PAK5: variants seen among roughly 807,000 people sequenced by gnomAD.
PAK5 encodes p21 (RAC1) activated kinase 5.
A neutral mutation model predicts 65.9 loss-of-function variants in PAK5; 16 were observed. The ratio of observed to expected loss-of-function variants is 0.24; its 90% CI spans 0.16 to 0.37. The LOEUF is 0.37. Ranked by LOEUF, PAK5 falls within the 10% of genes least tolerant of loss-of-function variation. The pLI is 1.00. For missense variants in PAK5, 785 were observed against 903.9 expected (o/e 0.87, Z 1.69); for synonymous variants, 371 against 354.9 (o/e 1.05, Z -0.51).
intron 1 of PAK5, among the ~76,000 whole-genome samples, chr20:9,727,335 T>C (rs2048288213): frequency 6.6e-6 from 1 of 152,164 alleles, no homozygotes; most frequent in Non-Finnish European, 1.5e-5. Flanking sequence ...GGGAGGTTTA[T>C]GATGTCATGT....
intron 2 of PAK5, among the ~76,000 whole-genome samples, chr20:9,662,170 T>C (rs2047355887): frequency 6.6e-6 from 1 of 152,216 alleles, no homozygotes; most frequent in African/African-American, 2.4e-5. Context: ...GTCAGTGCTA[T>C]ACACCATGCA....
chr20:9,689,752 G>C (rs1222658448), intron 2 of PAK5, among the ~76,000 whole-genome samples: 1 of 152,126 alleles, frequency 6.6e-6, no homozygotes, highest in Non-Finnish European at 1.5e-5. Flanking sequence ...GAAGTATCTT[G>C]GTATTAGAGT....
Position 9,644,163 on chromosome 20 carries a change from G to T in PAK5, c.166C>A (p.Pro56Thr). 1.2e-6 allele frequency: 2 copies of T among 1,613,124 alleles called. No individual in the cohort carries two copies. Among genetic ancestry groups the T allele is most frequent in the South Asian group, 1.1e-5 (1 of 90,724 alleles). ...AGCTGGATGGGTGTGATGCATGAAGGGTCCACCATAGGCTTTGGCCTGTTG... is the reference window on the plus strand; with the variant it reads ...AGCTGGATGGGTGTGATGCATGAAGTGTCCACCATAGGCTTTGGCCTGTTG... ...TANRPKPMVD[P>T]SCITPIQLAP... Residue 56 changes from proline (P) to threonine (T), a missense_variant, in exon 3 of 10, where the codon CCT (proline) becomes ACT (threonine). Physicochemically the swap from Pro to Thr is conservative, Grantham distance 38. This residue lies in a region of PAK5 where 71 missense variants were observed against 110.2 expected (regional missense o/e 0.64). Coordinates refer to ENST00000353224, the MANE Select transcript of PAK5 (RefSeq NM_177990.4).
chr20:9,745,370 A>C (rs1363287298), intron 1 of PAK5, among the ~76,000 whole-genome samples: 1 of 151,874 alleles, frequency 6.6e-6, no homozygotes, highest in Non-Finnish European at 1.5e-5. Context: ...GTCACAGTTC[A>C]TCCTCTTAGA....
intron 3 of PAK5, among the ~76,000 whole-genome samples, chr20:9,621,001 C>T (rs552853334): frequency 6.6e-6 from 1 of 151,018 alleles, no homozygotes; most frequent in East Asian, 1.9e-4. Context: ...TGGCTCAGAA[C>T]AGATTAAACT....
intron 5 of PAK5, 123 bp downstream of exon 5, chr20:9,565,770 G>A: frequency 1.0e-6 from 1 of 958,716 alleles, no homozygotes. Flanking sequence ...TACAGGGGAC[G>A]CTATTTTTGT....
intron 4 of PAK5, among the ~76,000 whole-genome samples, chr20:9,578,364 C>T (rs372554615): frequency 1.3e-5 from 2 of 152,156 alleles, no homozygotes; most frequent in East Asian, 3.9e-4. Context: ...AAGACTGAAA[C>T]TCCAGAATTA....
At chr20:9,790,294 T>A (rs537576122) in intron 1 of PAK5, among the ~76,000 whole-genome samples, 4 of 152,080 alleles carry the variant, frequency 2.6e-5, no homozygotes, top group African/African-American at 9.6e-5. Flanking sequence ...TGTAAACAAA[T>A]TAATCAGATT....
At chr20:9,543,550 G>GA (rs1165790112) in intron 8 of PAK5, among the ~76,000 whole-genome samples, 1 of 152,018 alleles carries the variant, frequency 6.6e-6, no homozygotes, top group Non-Finnish European at 1.5e-5. Context: ...AAGCAAACAA[G>GA]AGAAAGAGAA....
At chr20:9,628,989 C>T (rs754115236) in intron 3 of PAK5, among the ~76,000 whole-genome samples, 4 of 152,172 alleles carry the variant, frequency 2.6e-5, no homozygotes, top group Non-Finnish European at 5.9e-5. Flanking sequence ...ACAACTGAGT[C>T]GGCTTGCCTA....
intron 6 of PAK5, among the ~76,000 whole-genome samples, 197 bp from the exon 7 acceptor site, chr20:9,557,931 C>T (rs774433272): frequency 1.3e-5 from 2 of 151,990 alleles, no homozygotes; most frequent in Non-Finnish European, 2.9e-5. Flanking sequence ...ATGACAGGGA[C>T]CAAATATAAG....
At chr20:9,828,735 T>C (rs6516504) in intron 1 of PAK5, among the ~76,000 whole-genome samples, 39,739 of 152,110 alleles carry the variant, frequency 0.26, 6,069 homozygotes, top group African/African-American at 0.43. Flanking sequence ...ATTTCTTAAA[T>C]AGTATGCCAA....
At chr20:9,686,995 G>T (rs1244374391) in intron 2 of PAK5, among the ~76,000 whole-genome samples, 1 of 152,176 alleles carries the variant, frequency 6.6e-6, no homozygotes, top group Non-Finnish European at 1.5e-5. Flanking sequence ...TCTGAGAATA[G>T]GTATAAAGCA....
chr20:9,737,616 A>G (rs1189310082), intron 1 of PAK5, among the ~76,000 whole-genome samples: 1 of 152,242 alleles, frequency 6.6e-6, no homozygotes. Context: ...AGTAATTAGT[A>G]ATAATTAAAA....
chr20:9,708,423 G>A (rs1311486946), intron 2 of PAK5, among the ~76,000 whole-genome samples: 1 of 151,948 alleles, frequency 6.6e-6, no homozygotes, highest in Non-Finnish European at 1.5e-5. Flanking sequence ...CTGACAGAGG[G>A]GATATCCAAC....
intron 1 of PAK5, among the ~76,000 whole-genome samples, chr20:9,738,110 C>T (rs1296399145): frequency 6.6e-6 from 1 of 151,986 alleles, no homozygotes; most frequent in Non-Finnish European, 1.5e-5. Context: ...AACTGTACTC[C>T]AGCCTGGTTA....
At chr20:9,803,099 C>T (rs1403928718) in intron 1 of PAK5, among the ~76,000 whole-genome samples, 1 of 151,134 alleles carries the variant, frequency 6.6e-6, no homozygotes, top group Non-Finnish European at 1.5e-5. Context: ...TTGAAGAACA[C>T]CCAAGCTTCC....
At chr20:9,811,318 T>C (rs1413565026) in intron 1 of PAK5, among the ~76,000 whole-genome samples, 1 of 152,154 alleles carries the variant, frequency 6.6e-6, no homozygotes, top group Admixed American at 6.5e-5. Flanking sequence ...AACTCCTAAA[T>C]GCTACTAAAA....
intron 2 of PAK5, among the ~76,000 whole-genome samples, chr20:9,652,504 A>G (rs1390123849): frequency 1.3e-5 from 2 of 152,176 alleles, no homozygotes; most frequent in African/African-American, 2.4e-5. Flanking sequence ...TTCATCTACT[A>G]CAGTGTCTCC....
Sources: gnomAD v4.1 joint callset for allele counts (sites outside exome capture counted in the v4.1 genomes callset) on GRCh38, gnomAD v4.1.1 for gene constraint, gnomAD v4.1.1 regional missense constraint, MANE v1.5 for transcripts, NCBI Gene and HGNC (gene_info 2026-07-23, HGNC 2026-07-21) for gene names.